The following HORMAD2 variants were observed in gnomAD, a reference collection of about 807,000 sequenced individuals.
The protein encoded by HORMAD2 is HORMA domain-containing protein 2.
In HORMAD2, 45 loss-of-function variants were observed where a neutral mutation model predicts 38.8. The ratio of observed to expected loss-of-function variants is 1.16; its 90% CI spans 0.91 to 1.49. The LOEUF (loss-of-function observed/expected upper bound fraction) is 1.49, where lower values mean the gene tolerates loss of function less well. Ranked by LOEUF, HORMAD2 falls within the 40% of genes most tolerant of loss-of-function variation. The probability of loss-of-function intolerance (pLI) is 0.00; values close to 1 mark genes in which losing one functional copy is unlikely to be tolerated. For synonymous variants in HORMAD2, 126 were observed against 122.8 expected, an observed-to-expected ratio of 1.03 and a Z score of -0.17; for missense variants, 338 against 367.0, an observed-to-expected ratio of 0.92 and a Z score of 0.65.
At chr22:30,095,069 A>G (rs1363410839) in intron 2 of HORMAD2, among the ~76,000 whole-genome samples, 2 of 152,154 alleles carry the variant, frequency 1.3e-5, no homozygotes, top group African/African-American at 2.4e-5. Flanking sequence ...TCCACCCTGA[A>G]GCCAGTAATC....
At chr22:30,131,074 A>C (rs1222095872) in intron 10 of HORMAD2, among the ~76,000 whole-genome samples, 2 of 152,172 alleles carry the variant, frequency 1.3e-5, no homozygotes, top group Non-Finnish European at 2.9e-5. Context: ...ATCCTTAGAC[A>C]GGTTTCTTCA....
chr22:30,150,467 C>A (rs1924683193), intron 10 of HORMAD2, among the ~76,000 whole-genome samples: 2 of 152,152 alleles, frequency 1.3e-5, no homozygotes, highest in Middle Eastern at 3.4e-3. Flanking sequence ...GTGTTTGTTT[C>A]TTTTGTTTAT....
chr22:30,092,684 G>A (rs1569082226), intron 1 of HORMAD2, among the ~76,000 whole-genome samples: 3 of 151,870 alleles, frequency 2.0e-5, no homozygotes, highest in Admixed American at 6.6e-5. Flanking sequence ...TGAGAGACAG[G>A]GGTCTCTCAT....
At chr22:30,200,164 G>A in the HORMAD2 span, among the ~76,000 whole-genome samples, 3 of 151,846 alleles carry the variant, frequency 2.0e-5, no homozygotes, top group African/African-American at 7.2e-5. Flanking sequence ...AGATCCACCC[G>A]CCTAGGCCTC....
chr22:30,202,917 G>C, the HORMAD2 span, among the ~76,000 whole-genome samples: 24 of 152,220 alleles, frequency 1.6e-4, no homozygotes, highest in Non-Finnish European at 3.4e-4. Context: ...CCCTGAGATA[G>C]GGGAGAGCCA....
chr22:30,145,949 A>C (rs1382752810), intron 10 of HORMAD2, among the ~76,000 whole-genome samples: 1 of 152,232 alleles, frequency 6.6e-6, no homozygotes, highest in Non-Finnish European at 1.5e-5. Flanking sequence ...GGACCACAAT[A>C]TCTCTCATGA....
intron 10 of HORMAD2, among the ~76,000 whole-genome samples, chr22:30,172,692 A>T (rs1348671333): frequency 6.6e-6 from 1 of 152,154 alleles, no homozygotes; most frequent in Non-Finnish European, 1.5e-5. Context: ...GTTTGAGACT[A>T]GCCTGGCCAA....
chr22:30,191,417 G>A, the HORMAD2 span, among the ~76,000 whole-genome samples: 2 of 152,208 alleles, frequency 1.3e-5, no homozygotes, highest in Non-Finnish European at 2.9e-5. Context: ...CTCCTTCTAT[G>A]AGTGCTGTGG....
intron 2 of HORMAD2, among the ~76,000 whole-genome samples, chr22:30,097,553 A>G (rs2068804930): frequency 6.6e-6 from 1 of 152,204 alleles, no homozygotes; most frequent in Non-Finnish European, 1.5e-5. Context: ...AAAGCACAAA[A>G]GTATGGAAAA....
rs76260991 is a variant in HORMAD2, at chr22:30,145,811, A to C, written c.819+23597A>C. 4.0e-3 allele frequency among the ~76,000 whole-genome samples: 605 copies of C among 152,342 alleles called. 3 individuals are homozygous for C. The highest frequency in any genetic ancestry group is 0.014 in the African/African-American group (580 of 41,572). ...ACTGATGAATTATATCAAATAATCAAGGAAGAAATAATACTAATTTTGAAC... is the reference window on the plus strand; with the variant it reads ...ACTGATGAATTATATCAAATAATCACGGAAGAAATAATACTAATTTTGAAC... On this transcript the variant is annotated intron_variant, in intron 10 of 10. Coordinates refer to ENST00000336726, the MANE Select transcript of HORMAD2 (RefSeq NM_152510.4).
chr22:30,080,138 C>G (rs1287735657), upstream of HORMAD2: 2 of 152,346 alleles, frequency 1.3e-5, no homozygotes, highest in Non-Finnish European at 2.9e-5. Context: ...CTCGGCGGGG[C>G]AGGCACCTCC....
intron 7 of HORMAD2, among the ~76,000 whole-genome samples, chr22:30,117,328 T>C (rs1922114756): frequency 6.6e-6 from 1 of 152,188 alleles, no homozygotes; most frequent in Non-Finnish European, 1.5e-5. Flanking sequence ...GTTTTGAGCT[T>C]ATACTGTTTA....
intron 1 of HORMAD2, among the ~76,000 whole-genome samples, chr22:30,081,743 ATTTTTTTATT>A (rs2146046203): frequency 6.6e-6 from 1 of 151,622 alleles, no homozygotes; most frequent in South Asian, 2.1e-4. Context: ...GCCCAGCTAA[ATTTTTTTATT>A]TTTTTTTATT....
At chr22:30,158,583 C>CCCCTTCTCCTTCCT (rs1555953546) in intron 10 of HORMAD2, among the ~76,000 whole-genome samples, 9 of 81,746 alleles carry the variant, frequency 1.1e-4, no homozygotes, top group Non-Finnish European at 2.0e-4. Flanking sequence ...CCTTCCCCTT[C>CCCCTTCTCCTTCCT]TCCTTCCTTC....
In HORMAD2 at chr22:30,123,990, CT is replaced by C. The variant is rs966621461; in HGVS notation, c.819+1788del. Reference sequence around the variant, plus strand: ...TTACCTTTTAATTAAGAATTTCTTTCTTTTTTTTTTTTAATCAAATGAAAGC... The same window carrying C: ...TTACCTTTTAATTAAGAATTTCTTTCTTTTTTTTTTTAATCAAATGAAAGC... On this transcript the variant is annotated intron_variant, in intron 10 of 10. Coordinates refer to ENST00000336726, the MANE Select transcript of HORMAD2 (RefSeq NM_152510.4). 3.0e-3 allele frequency among the ~76,000 whole-genome samples: 430 copies of C among 143,076 alleles called. 1 individual carries two copies. Among genetic ancestry groups the C allele is most frequent in the South Asian group, 2.8e-3 (12 of 4,306 alleles). The allele number at this position is 143,076 out of a possible 152,430, so 93.9% of individuals were successfully genotyped here.
chr22:30,203,486 G>A, the HORMAD2 span, among the ~76,000 whole-genome samples: 1 of 151,728 alleles, frequency 6.6e-6, no homozygotes. Flanking sequence ...AAGAGATCAT[G>A]GGGTTCCTGC....
Position 30,094,003 on chromosome 22 carries a change from G to A in HORMAD2, c.51G>A (p.Lys17=), listed in dbSNP as rs931150294. The change falls in exon 2 of 11, where the codon AAG becomes AAA. Residue 17 remains lysine, a splice_region_variant and synonymous_variant. Coordinates refer to ENST00000336726, the MANE Select transcript of HORMAD2 (RefSeq NM_152510.4). ...GCATCACAATACACAAGGCTTCTAAGGTATTTGTTAAGAATTAAAAGAAAA... is the reference window on the plus strand; with the variant it reads ...GCATCACAATACACAAGGCTTCTAAAGTATTTGTTAAGAATTAAAAGAAAA... ...SHCITIHKAS[K]ETVFPSQITN... is the part of the protein sequence containing the mutation. The A allele has an allele frequency of 3.1e-6, 5 of 1,597,976 alleles. No individual in the cohort carries two copies. The highest frequency in any genetic ancestry group is 3.4e-6 in the Non-Finnish European group (4 of 1,168,814).
At chr22:30,204,959 T>A in the HORMAD2 span, among the ~76,000 whole-genome samples, 7 of 152,096 alleles carry the variant, frequency 4.6e-5, no homozygotes, top group Admixed American at 1.3e-4. Context: ...TCCCCTGAGT[T>A]ATTGCAGCTT....
the HORMAD2 span, among the ~76,000 whole-genome samples, chr22:30,186,012 G>A: frequency 6.6e-6 from 1 of 151,802 alleles, no homozygotes; most frequent in Admixed American, 6.6e-5. Context: ...TTCTTGGGGG[G>A]GGAGGCATAT....
Sources: gnomAD v4.1 joint callset for allele counts (sites outside exome capture counted in the v4.1 genomes callset) on GRCh38, gnomAD v4.1.1 for gene constraint, MANE v1.5 for transcripts, NCBI Gene and HGNC (gene_info 2026-07-23, HGNC 2026-07-21) for gene names.